The following SNTG1 variants were observed in gnomAD, a reference collection of about 807,000 sequenced individuals.
SNTG1 encodes the protein gamma-1-syntrophin.
A neutral mutation model predicts 74.7 loss-of-function variants in SNTG1; 39 were observed. That is an observed-to-expected ratio of 0.52 (90% CI 0.40 to 0.68). SNTG1 has a LOEUF of 0.68. Ranked by LOEUF, SNTG1 falls within the 30% of genes least tolerant of loss-of-function variation. The pLI, the probability that SNTG1 is intolerant of heterozygous loss-of-function variation, is 0.00. For synonymous variants in SNTG1, 254 were observed against 217.1 expected, an observed-to-expected ratio of 1.17 and a Z score of -1.49; for missense variants, 685 against 609.5, an observed-to-expected ratio of 1.12 and a Z score of -1.30.
chr8:50,598,412 GTT>G lies in SNTG1; in HGVS notation c.849+7498_849+7499del, dbSNP rs1299837998. On this transcript the variant is annotated intron_variant, in intron 13 of 18. Transcript: ENST00000642720. ...TATAAGTGTATTGATTTATTCTTAG[GTT>G]TTCTTTTCTGTTCCATTGGTTTATG... Among the ~76,000 whole-genome samples the G allele has an allele frequency of 5.3e-5, 8 of 151,820 alleles. No homozygotes were observed. The South Asian group carries it at 1.0e-3, about 20-fold the overall frequency.
At chr8:50,326,849 T>C (rs1419528491) in intron 2 of SNTG1, among the ~76,000 whole-genome samples, 2 of 152,130 alleles carry the variant, frequency 1.3e-5, no homozygotes, top group Non-Finnish European at 2.9e-5. Context: ...TTCTAAGCAC[T>C]GCTATCTCTA....
At chr8:50,646,330 A>G (rs535270037) in intron 13 of SNTG1, among the ~76,000 whole-genome samples, 1 of 152,294 alleles carries the variant, frequency 6.6e-6, no homozygotes, top group South Asian at 2.1e-4. Context: ...TTCCACCCCT[A>G]AAGTTTCTTT....
intron 8 of SNTG1, among the ~76,000 whole-genome samples, chr8:50,475,561 G>T (rs967693500): frequency 2.0e-5 from 3 of 152,122 alleles, no homozygotes; most frequent in African/African-American, 7.2e-5. Flanking sequence ...GCATGCTATA[G>T]TAGATCCCAG....
At position 50,518,640 on chromosome 8, in the gene SNTG1, G is replaced by A. The variant is rs1217174387; in HGVS notation, c.467-11537G>A. Among the ~76,000 whole-genome samples, 4 of 152,076 alleles carry A rather than the reference G, an allele frequency of 2.6e-5. 1 individual carries two copies. In the East Asian group the frequency reaches 7.7e-4, roughly 29 times the overall value. Reference sequence around the variant, plus strand: ...AGGAGATATCACCACTGATCCCACAGAAATATATTACTACTATCAGAGAAT... The same window carrying A: ...AGGAGATATCACCACTGATCCCACAAAAATATATTACTACTATCAGAGAAT... On this transcript the variant is annotated intron_variant, in intron 9 of 18. Coordinates refer to ENST00000642720, the MANE Select transcript of SNTG1 (RefSeq NM_018967.5).
intron 2 of SNTG1, among the ~76,000 whole-genome samples, chr8:50,352,654 G>C (rs1200804300): frequency 6.6e-6 from 1 of 152,142 alleles, no homozygotes; most frequent in Non-Finnish European, 1.5e-5. Context: ...GCTTTCCAAA[G>C]TGCCAGGATT....
intron 8 of SNTG1, among the ~76,000 whole-genome samples, chr8:50,456,583 T>G (rs1272178366): frequency 6.6e-6 from 1 of 152,128 alleles, no homozygotes; most frequent in African/African-American, 2.4e-5. Context: ...TGAAGATCTT[T>G]TATGAGAGCA....
chr8:50,550,675 AT>A (rs2094419739), intron 11 of SNTG1, among the ~76,000 whole-genome samples: 1 of 149,106 alleles, frequency 6.7e-6, no homozygotes, highest in Non-Finnish European at 1.5e-5. Flanking sequence ...CAGTGATGTA[AT>A]TTTTTTTAGT....
chr8:50,395,946 G>C (rs2092723507), intron 3 of SNTG1, among the ~76,000 whole-genome samples: 1 of 152,084 alleles, frequency 6.6e-6, no homozygotes, highest in Non-Finnish European at 1.5e-5. Context: ...GATACTTATG[G>C]GACACATGAC....
At chr8:50,643,277 G>T (rs1049731752) in intron 13 of SNTG1, among the ~76,000 whole-genome samples, 1 of 152,070 alleles carries the variant, frequency 6.6e-6, no homozygotes, top group African/African-American at 2.4e-5. Flanking sequence ...TTTCCTGATT[G>T]CCACTCTCCA....
At chr8:50,359,789 T>C (rs1215791242) in intron 2 of SNTG1, among the ~76,000 whole-genome samples, 2 of 152,172 alleles carry the variant, frequency 1.3e-5, no homozygotes, top group African/African-American at 4.8e-5. Flanking sequence ...TTAATACTAT[T>C]TCAAAGTATT....
chr8:50,454,832 A>AAAC (rs1288147694), intron 8 of SNTG1, among the ~76,000 whole-genome samples: 1 of 135,902 alleles, frequency 7.4e-6, no homozygotes, highest in Non-Finnish European at 1.5e-5. Context: ...ACAGAGCTAA[A>AAAC]AAAAAAAAAA....
chr8:50,163,764 G>C (rs1213781993), intron 1 of SNTG1: 2 of 152,160 alleles, frequency 1.3e-5, no homozygotes, highest in Non-Finnish European at 2.9e-5. Context: ...TTACAGGCGT[G>C]AGCCACCACA....
intron 13 of SNTG1, among the ~76,000 whole-genome samples, chr8:50,594,816 C>T (rs2094715911): frequency 6.6e-6 from 1 of 152,096 alleles, no homozygotes; most frequent in Non-Finnish European, 1.5e-5. Context: ...CACAAAGGCT[C>T]ACTGAACCCA....
chr8:50,194,291 A>T (rs913851193), intron 2 of SNTG1, among the ~76,000 whole-genome samples: 1 of 152,044 alleles, frequency 6.6e-6, no homozygotes, highest in Non-Finnish European at 1.5e-5. Flanking sequence ...CTGTGAATCC[A>T]TCTGGTCCTG....
At chr8:50,702,217 T>G (rs1332679989) in intron 15 of SNTG1, among the ~76,000 whole-genome samples, 1 of 152,166 alleles carries the variant, frequency 6.6e-6, no homozygotes, top group East Asian at 1.9e-4. Flanking sequence ...GTAGTTATTA[T>G]CTCTCATTGT....
At chr8:50,252,644 T>C (rs1299878029) in intron 2 of SNTG1, among the ~76,000 whole-genome samples, 4 of 152,108 alleles carry the variant, frequency 2.6e-5, no homozygotes, top group Admixed American at 6.6e-5. Flanking sequence ...ACAAATCACA[T>C]GGCAAGGCTG....
chr8:50,660,515 G>A (rs562076725), intron 15 of SNTG1, among the ~76,000 whole-genome samples: 28 of 136,478 alleles, frequency 2.1e-4, no homozygotes, highest in Non-Finnish European at 3.5e-4. Context: ...AAGGAAGGGA[G>A]GGAGGGAGGG....
intron 1 of SNTG1, among the ~76,000 whole-genome samples, chr8:50,036,280 CGTCTCTATGCAGCTCCTGCATA>C (rs1467288727): frequency 1.3e-5 from 2 of 152,112 alleles, no homozygotes; most frequent in Non-Finnish European, 1.5e-5. Flanking sequence ...ACAACTATGA[CGTCTCTATGCAGCTCCTGCATA>C]GTCTTTCTGT....
intron 15 of SNTG1, among the ~76,000 whole-genome samples, chr8:50,667,825 G>GT (rs1292727285): frequency 2.0e-5 from 3 of 151,336 alleles, no homozygotes; most frequent in African/African-American, 7.3e-5. Flanking sequence ...AATTAATATG[G>GT]TTATTTTTTT....
Sources: gnomAD v4.1 joint callset for allele counts (sites outside exome capture counted in the v4.1 genomes callset) on GRCh38, gnomAD v4.1.1 for gene constraint, MANE v1.5 for transcripts, NCBI Gene and HGNC (gene_info 2026-07-23, HGNC 2026-07-21) for gene names.